KDM4C: variants seen among roughly 807,000 people sequenced by gnomAD.
The protein encoded by KDM4C is lysine demethylase 4C.
In KDM4C, 81 loss-of-function variants were observed where a neutral mutation model predicts 129.3. The ratio of observed to expected loss-of-function variants is 0.63; its 90% CI spans 0.52 to 0.75. The LOEUF (loss-of-function observed/expected upper bound fraction) is 0.75. KDM4C is among the 30% of genes least tolerant of loss of function. KDM4C has a pLI of 0.00. For synonymous variants in KDM4C, 573 were observed against 456.1 expected (o/e 1.26, Z -3.26); for missense variants, 1,457 against 1,304.0 (o/e 1.12, Z -1.81).
intron 15 of KDM4C, among the ~76,000 whole-genome samples, chr9:7,020,294 A>G (rs1024289927): frequency 7.2e-5 from 11 of 152,216 alleles, no homozygotes; most frequent in African/African-American, 1.4e-4. Flanking sequence ...ATAACTGTCA[A>G]TCCTTGGATA....
At chr9:6,851,228 C>A (rs1838789565) in intron 5 of KDM4C, among the ~76,000 whole-genome samples, 1 of 152,176 alleles carries the variant, frequency 6.6e-6, no homozygotes, top group Non-Finnish European at 1.5e-5. Flanking sequence ...ATCCTGCTGC[C>A]TCAACCTCCC....
intron 6 of KDM4C, among the ~76,000 whole-genome samples, chr9:6,883,546 A>T (rs1285669625): frequency 2.6e-5 from 4 of 152,224 alleles, no homozygotes; most frequent in Non-Finnish European, 5.9e-5. Context: ...GATATTTTAT[A>T]TCCAGCCATG....
intron 17 of KDM4C, among the ~76,000 whole-genome samples, chr9:7,083,638 T>C (rs1013035560): frequency 3.3e-5 from 5 of 152,032 alleles, no homozygotes; most frequent in Non-Finnish European, 7.3e-5. Context: ...AAATTAGGTA[T>C]TACAATCTTA....
intron 1 of KDM4C, among the ~76,000 whole-genome samples, chr9:6,732,279 C>T (rs565911895): frequency 2.2e-5 from 3 of 138,444 alleles, no homozygotes; most frequent in African/African-American, 8.1e-5. Flanking sequence ...GCAGGAGAAT[C>T]GCTGGAACCC....
chr9:6,770,275 A>G (rs1003703697), intron 1 of KDM4C, among the ~76,000 whole-genome samples: 5 of 152,114 alleles, frequency 3.3e-5, no homozygotes, highest in African/African-American at 1.2e-4. Context: ...GTAACAGACT[A>G]TGACTTGACT....
At chr9:6,930,234 G>GT (rs1823415429) in intron 8 of KDM4C, among the ~76,000 whole-genome samples, 1 of 152,110 alleles carries the variant, frequency 6.6e-6, no homozygotes, top group African/African-American at 2.4e-5. Flanking sequence ...CCACAGGTAG[G>GT]TTTTTTGGAT....
At chr9:6,882,194 CA>C (rs1420074983) in intron 6 of KDM4C, among the ~76,000 whole-genome samples, 3 of 152,182 alleles carry the variant, frequency 2.0e-5, no homozygotes, top group African/African-American at 7.2e-5. Flanking sequence ...ATAAAAATCT[CA>C]AGTGAATTGT....
intron 4 of KDM4C, 40 bp downstream of exon 4, chr9:6,814,785 G>C: frequency 2.3e-6 from 3 of 1,287,118 alleles, no homozygotes; most frequent in Non-Finnish European, 3.3e-6. Context: ...AAGATCATTG[G>C]ATGTGACAGT....
chr9:7,036,768 C>G (rs1461494085), intron 15 of KDM4C, among the ~76,000 whole-genome samples: 3 of 152,140 alleles, frequency 2.0e-5, no homozygotes, highest in African/African-American at 7.2e-5. Context: ...TTTGTCTGCA[C>G]CACCCCCCGA....
intron 1 of KDM4C, among the ~76,000 whole-genome samples, chr9:6,775,879 G>A (rs1273596688): frequency 6.6e-6 from 1 of 152,116 alleles, no homozygotes; most frequent in African/African-American, 2.4e-5. Flanking sequence ...ATTCCTTGTT[G>A]TGGGGACTTT....
At chr9:6,997,238 G>C (rs150391365) in intron 12 of KDM4C, among the ~76,000 whole-genome samples, 1 of 152,176 alleles carries the variant, frequency 6.6e-6, no homozygotes, top group African/African-American at 2.4e-5. Context: ...AGTTGTGGCC[G>C]TTGAGGAGAA....
intron 8 of KDM4C, among the ~76,000 whole-genome samples, chr9:6,922,484 C>T (rs984529062): frequency 3.3e-5 from 5 of 152,206 alleles, no homozygotes; most frequent in African/African-American, 7.2e-5. Flanking sequence ...TGTTGGCTCA[C>T]GCCTGTAATC....
At chr9:6,892,195 T>TA (rs1846198522) in intron 7 of KDM4C, among the ~76,000 whole-genome samples, 1 of 152,228 alleles carries the variant, frequency 6.6e-6, no homozygotes, top group African/African-American at 2.4e-5. Flanking sequence ...ATAAGGGGTC[T>TA]ATCCTATTGG....
rs1831750731 is a variant in KDM4C, at chr9:6,814,648, A to C, written c.338A>C (p.Tyr113Ser). The C allele has an allele frequency of 1.2e-6, 2 of 1,602,194 alleles. No individual in the cohort carries two copies. ...ANSGKYCTPR[Y>S]LDYEDLERKY... ...TTTTACAGATATTGTACTCCAAGAT[A>C]CTTGGATTACGAAGATTTGGAGCGC... Residue 113 changes from tyrosine (Y) to serine (S), a missense_variant, in exon 4 of 22, where the codon TAC (tyrosine) becomes TCC (serine). Tyr to Ser is a moderately radical substitution (Grantham distance 144). Transcript: ENST00000381309.
chr9:7,076,599 G>T, intron 17 of KDM4C: 1 of 1,453,410 alleles, frequency 6.9e-7, no homozygotes. Flanking sequence ...TTTAGGATGG[G>T]GATACAATAG....
At chr9:7,087,980 C>T (rs760292631) in intron 17 of KDM4C, among the ~76,000 whole-genome samples, 15 of 152,202 alleles carry the variant, frequency 9.9e-5, no homozygotes, top group Non-Finnish European at 2.1e-4. Context: ...TGGCTTTGCA[C>T]TAGAATTGCT....
rs933774161 is a variant in KDM4C at position 6,814,542 on chromosome 9, G to T, written c.321-89G>T. ...AGTATTTTCGTTTTGGTAGGATTTT[G>T]TTTTAGAAAGTGATTTAAATCAATT... On this transcript the variant is annotated intron_variant, in intron 3 of 21. Transcript: ENST00000381309. 7.9e-6 allele frequency: 6 copies of T among 756,332 alleles called. No homozygotes were observed. The African/African-American group carries it at 1.1e-4, about 13-fold the overall frequency. 46.9% of individuals were successfully genotyped at this position (756,332 alleles called of 1,614,324 possible). A position where few individuals can be genotyped will look rare whatever the true frequency, so the allele number is the denominator to read the frequency against.
At chr9:6,742,975 C>A (rs73639353) in intron 1 of KDM4C, among the ~76,000 whole-genome samples, 2,238 of 152,132 alleles carry the variant, frequency 0.015, 61 homozygotes, top group African/African-American at 0.051. Context: ...TGTGCCATTG[C>A]ACTCCAGCCT....
chr9:6,797,162 G>GT (rs1400190748), intron 2 of KDM4C, among the ~76,000 whole-genome samples: 1 of 151,466 alleles, frequency 6.6e-6, no homozygotes, highest in Non-Finnish European at 1.5e-5. Flanking sequence ...TTTATTTTTT[G>GT]TTTTTTGTAG....
Sources: gnomAD v4.1 joint callset for allele counts (sites outside exome capture counted in the v4.1 genomes callset) on GRCh38, gnomAD v4.1.1 for gene constraint, MANE v1.5 for transcripts, NCBI Gene and HGNC (gene_info 2026-07-23, HGNC 2026-07-21) for gene names.